Variants in ST8SIA1 observed in about 807,000 individuals in gnomAD.
The protein encoded by ST8SIA1 is alpha-N-acetylneuraminide alpha-2,8-sialyltransferase.
Under a neutral mutation model 35.9 loss-of-function variants are expected in ST8SIA1, and 16 were observed. The ratio of observed to expected loss-of-function variants is 0.45; its 90% CI spans 0.30 to 0.68. The LOEUF (loss-of-function observed/expected upper bound fraction) is 0.68. ST8SIA1 is among the 30% of genes least tolerant of loss of function. ST8SIA1 has a pLI of 0.09. For synonymous variants in ST8SIA1, 170 were observed against 169.6 expected (o/e 1.00, Z -0.02); for missense variants, 383 against 453.6 (o/e 0.84, Z 1.41).
At chr12:22,214,470 A>T (rs1381429694) in intron 4 of ST8SIA1, among the ~76,000 whole-genome samples, 1 of 152,160 alleles carries the variant, frequency 6.6e-6, no homozygotes, top group East Asian at 1.9e-4. Context: ...GACAAGAGGG[A>T]GTAGACCTGG....
chr12:22,201,231 A>T lies in ST8SIA1; in HGVS notation c.*321T>A. ...TTTGTTCTACCTTGATTGGTTCCTC[A>T]GCCCTAACAACTCGAGTCTGTCTTG... On this transcript the variant is annotated 3_prime_UTR_variant, in exon 5 of 5. Coordinates refer to ENST00000396037, the MANE Select transcript of ST8SIA1 (RefSeq NM_003034.4). 1 of 226,578 alleles carries T rather than the reference A, an allele frequency of 4.4e-6. No homozygotes were observed. Among genetic ancestry groups the T allele is most frequent in the Non-Finnish European group, 8.6e-6 (1 of 116,904 alleles). 14.0% of individuals were successfully genotyped at this position (226,578 alleles called of 1,614,324 possible).
At chr12:22,212,791 G>T (rs1008226021) in intron 4 of ST8SIA1, among the ~76,000 whole-genome samples, 1 of 152,154 alleles carries the variant, frequency 6.6e-6, no homozygotes, top group Non-Finnish European at 1.5e-5. Context: ...CACCATCTTT[G>T]TAAGACTACA....
chr12:22,213,350 CAAG>C lies in ST8SIA1; in HGVS notation c.585-11315_585-11313del, dbSNP rs372361863. ...GTATTTGCTTTTTCTGTGCAGCAGG[CAAG>C]AAGAATTTGTTGGGCTATAACAATA... is the stretch of plus-strand genomic sequence containing the variant. On this transcript the variant is annotated intron_variant, in intron 4 of 4. Transcript: ENST00000396037. 3.8e-3 allele frequency among the ~76,000 whole-genome samples: 583 copies of C among 152,224 alleles called. 4 individuals carry two copies. Among genetic ancestry groups the C allele is most frequent in the African/African-American group, 0.013 (554 of 41,510 alleles).
chr12:22,333,538 C>T (rs1300115914), intron 1 of ST8SIA1, among the ~76,000 whole-genome samples: 1 of 152,220 alleles, frequency 6.6e-6, no homozygotes, highest in East Asian at 1.9e-4. Context: ...TTTCCACTGC[C>T]CATCACTCCG....
intron 2 of ST8SIA1, among the ~76,000 whole-genome samples, chr12:22,284,427 G>A (rs74689811): frequency 0.036 from 5,424 of 152,204 alleles, 301 homozygotes; most frequent in African/African-American, 0.12. Context: ...TAAATGAAGC[G>A]TATCAATTAA....
At chr12:22,281,938 G>A (rs61924163) in intron 2 of ST8SIA1, among the ~76,000 whole-genome samples, 1 of 152,002 alleles carries the variant, frequency 6.6e-6, no homozygotes, top group Non-Finnish European at 1.5e-5. Flanking sequence ...AGCCCAGAAG[G>A]TGGAGGCTTG....
In ST8SIA1 at chr12:22,193,806, A is replaced by T. The variant is rs576433728; in HGVS notation, c.*7746T>A. The T allele has an allele frequency of 2.6e-5, 4 of 152,270 alleles. No individual in the cohort carries two copies. The highest frequency in any genetic ancestry group is 6.5e-5 in the Admixed American group (1 of 15,296). The allele number at this position is 152,270 out of a possible 1,614,324, so 9.4% of individuals were successfully genotyped here. Reference sequence around the variant, plus strand: ...TTTCAATTTTATAGTTTAATCTAAAATTTTTCCCAGAATTATTATATCCAT... The same window carrying T: ...TTTCAATTTTATAGTTTAATCTAAATTTTTTCCCAGAATTATTATATCCAT... On this transcript the variant is annotated 3_prime_UTR_variant, in exon 5 of 5. Transcript: ENST00000396037.
chr12:22,322,300 G>A (rs1170927836), intron 1 of ST8SIA1, among the ~76,000 whole-genome samples: 1 of 152,210 alleles, frequency 6.6e-6, no homozygotes, highest in South Asian at 2.1e-4. Context: ...CTTGTTTGCT[G>A]TATGGGGGAA....
intron 2 of ST8SIA1, among the ~76,000 whole-genome samples, chr12:22,259,885 G>C (rs1008393195): frequency 2.6e-5 from 4 of 152,160 alleles, no homozygotes; most frequent in African/African-American, 9.7e-5. Context: ...GTATGAACAA[G>C]ATGTTTTCCT....
At chr12:22,298,947 A>G (rs1866282369) in intron 1 of ST8SIA1, among the ~76,000 whole-genome samples, 1 of 152,222 alleles carries the variant, frequency 6.6e-6, no homozygotes, top group South Asian at 2.1e-4. Flanking sequence ...CATTGAGAAA[A>G]TAAAGGATAT....
intron 2 of ST8SIA1, among the ~76,000 whole-genome samples, chr12:22,271,732 T>A (rs575804055): frequency 2.0e-5 from 3 of 152,332 alleles, no homozygotes; most frequent in Non-Finnish European, 4.4e-5. Flanking sequence ...CTGCTCCAAG[T>A]AGTCATTCTG....
chr12:22,235,009 C>T (rs1865460062), intron 4 of ST8SIA1, among the ~76,000 whole-genome samples: 1 of 152,112 alleles, frequency 6.6e-6, no homozygotes, highest in African/African-American at 2.4e-5. Context: ...TTCTGATTCT[C>T]CTTTGTCTCA....
chr12:22,263,214 T>G (rs1865811423), intron 2 of ST8SIA1, among the ~76,000 whole-genome samples: 1 of 152,254 alleles, frequency 6.6e-6, no homozygotes, highest in South Asian at 2.1e-4. Flanking sequence ...CGAAATGTTC[T>G]CTAGCTTTTG....
intron 2 of ST8SIA1, among the ~76,000 whole-genome samples, chr12:22,262,782 C>T (rs1056545040): frequency 2.6e-5 from 4 of 152,110 alleles, no homozygotes; most frequent in African/African-American, 9.7e-5. Context: ...TGAGAGGCTG[C>T]CTTTGAGGCA....
chr12:22,257,184 G>A (rs1264093174), intron 2 of ST8SIA1, among the ~76,000 whole-genome samples: 1 of 151,984 alleles, frequency 6.6e-6, no homozygotes, highest in African/African-American at 2.4e-5. Context: ...AGGATTAGGA[G>A]ATGCTTTCAG....
Position 22,279,775 on chromosome 12 carries a change from C to T in ST8SIA1, c.381+7374G>A, listed in dbSNP as rs538370402. Among the ~76,000 whole-genome samples the T allele has an allele frequency of 1.4e-3, 220 of 152,334 alleles. 2 individuals are homozygous for T. Among genetic ancestry groups the T allele is most frequent in the Non-Finnish European group, 2.6e-4 (18 of 68,034 alleles). ...CCCCAAAGCTATGTTCACTCCCTAT[C>T]CTATCCCTAGCCAACCCCTTTCCCC... On this transcript the variant is annotated intron_variant, in intron 2 of 4. Coordinates refer to ENST00000396037, the MANE Select transcript of ST8SIA1 (RefSeq NM_003034.4).
chr12:22,279,099 TTATCCAGCCTACTTCTCAATCTCTA>T (rs1231767996), intron 2 of ST8SIA1, among the ~76,000 whole-genome samples: 1 of 152,152 alleles, frequency 6.6e-6, no homozygotes, highest in East Asian at 1.9e-4. Flanking sequence ...TTCTACTCAT[TTATCCAGCCTACTTCTCAATCTCTA>T]TATACACCTG....
chr12:22,279,027 G>A (rs960502735), intron 2 of ST8SIA1, among the ~76,000 whole-genome samples: 2 of 152,010 alleles, frequency 1.3e-5, no homozygotes, highest in Non-Finnish European at 2.9e-5. Context: ...TCTCTGTATT[G>A]TCAGCCTCCA....
chr12:22,305,403 T>A (rs1309908980), intron 1 of ST8SIA1, among the ~76,000 whole-genome samples: 5 of 148,176 alleles, frequency 3.4e-5, no homozygotes, highest in Admixed American at 6.8e-5. Flanking sequence ...TTTTTTGAGA[T>A]GGAGTTTTGC....
Sources: gnomAD v4.1 joint callset for allele counts (sites outside exome capture counted in the v4.1 genomes callset) on GRCh38, gnomAD v4.1.1 for gene constraint, MANE v1.5 for transcripts, NCBI Gene and HGNC (gene_info 2026-07-23, HGNC 2026-07-21) for gene names.